Variants in CFAP47 observed in about 807,000 individuals in gnomAD.
The protein encoded by CFAP47 is cilia- and flagella-associated protein 47.
In CFAP47, 29 loss-of-function variants were observed where a neutral mutation model predicts 148.1. The observed-to-expected ratio is 0.20, with a 90% CI of 0.15 to 0.27. The LOEUF is 0.27. CFAP47 is among the 10% of genes least tolerant of loss of function. CFAP47 has a pLI of 1.00. For missense variants in CFAP47, 1,872 were observed against 1,697.5 expected (o/e 1.10, Z -1.81); for synonymous variants, 664 against 577.3 (o/e 1.15, Z -2.15).
intron 3 of CFAP47, among the ~76,000 whole-genome samples, chrX:35,941,993 G>A (rs1936016248): frequency 9.2e-6 from 1 of 108,566 alleles, no homozygotes; most frequent in African/African-American, 3.4e-5. Context: ...TTCTTACTGT[G>A]GCCTAAGAGT....
At chrX:36,098,631 GGCCACT>G (rs1373130118) in intron 30 of CFAP47, among the ~76,000 whole-genome samples, 156 bp from the exon 31 acceptor site, 1 of 111,646 alleles carries the variant, frequency 9.0e-6, no homozygotes, top group African/African-American at 3.3e-5. Flanking sequence ...TTCACCCAGT[GGCCACT>G]GCCACCTCTG....
intron 29 of CFAP47, among the ~76,000 whole-genome samples, chrX:36,083,526 T>C (rs974557644): frequency 8.9e-6 from 1 of 111,809 alleles, no homozygotes; most frequent in Admixed American, 9.6e-5. Flanking sequence ...TGACTTTAGA[T>C]TCAAGCTAAG....
chrX:35,961,711 T>C (rs949148340), intron 8 of CFAP47, among the ~76,000 whole-genome samples: 2 of 111,303 alleles, frequency 1.8e-5, no homozygotes, highest in Non-Finnish European at 3.8e-5. Flanking sequence ...AGTCATCTCT[T>C]TTTTTGCTTA....
At chrX:35,946,111 G>C (rs2093599938) in intron 3 of CFAP47, among the ~76,000 whole-genome samples, 1 of 110,082 alleles carries the variant, frequency 9.1e-6, no homozygotes, top group Admixed American at 9.8e-5. Context: ...GACCTCAAGT[G>C]ATCCTCCCAC....
In CFAP47 at chrX:35,924,441, A is replaced by ACACCTATATGTGTATATAGGTG. The variant is rs1244481360; in HGVS notation, c.250-1557_250-1536dup. On this transcript the variant is annotated intron_variant, in intron 1 of 63. Transcript: ENST00000378653. Reference sequence around the variant, plus strand: ...TATGCACACATATGTGTATATATGTACACCTATATGTGTATATAGGTGCAC... The same window carrying ACACCTATATGTGTATATAGGTG: ...TATGCACACATATGTGTATATATGTACACCTATATGTGTATATAGGTGCACCTATATGTGTATATAGGTGCAC... 1.1e-3 allele frequency among the ~76,000 whole-genome samples: 112 copies of ACACCTATATGTGTATATAGGTG among 106,010 alleles called. 2 individuals carry two copies. In the East Asian group the frequency reaches 0.025, roughly 24 times the overall value. The allele number at this position is 106,010 out of a possible 115,157, so 92.1% of individuals were successfully genotyped here. A position where few individuals can be genotyped will look rare whatever the true frequency, so the allele number is the denominator to read the frequency against.
intron 2 of CFAP47, among the ~76,000 whole-genome samples, chrX:35,936,303 A>G (rs1935909878): frequency 9.0e-6 from 1 of 111,616 alleles, no homozygotes; most frequent in South Asian, 3.7e-4. Context: ...TATTGTGTTC[A>G]TCACTATGTT....
chrX:36,352,421 C>T (rs781788362), intron 59 of CFAP47, among the ~76,000 whole-genome samples: 27 of 110,974 alleles, frequency 2.4e-4, no homozygotes, highest in African/African-American at 8.5e-4. Context: ...ATAAAATTTA[C>T]ATTTGTTATA....
chrX:35,985,495 G>A (rs1202826380), intron 15 of CFAP47, among the ~76,000 whole-genome samples: 1 of 111,021 alleles, frequency 9.0e-6, no homozygotes, highest in East Asian at 2.8e-4. Flanking sequence ...GGCTGTGATG[G>A]GGGGAGAGTG....
chrX:36,180,831 A>G (rs1411827380), intron 40 of CFAP47, among the ~76,000 whole-genome samples: 1 of 112,287 alleles, frequency 8.9e-6, no homozygotes, highest in Non-Finnish European at 1.9e-5. Context: ...AGTGAACAAT[A>G]AAATATGAAT....
chrX:36,320,607 A>G (rs999029041), intron 57 of CFAP47, among the ~76,000 whole-genome samples: 1 of 112,348 alleles, frequency 8.9e-6, no homozygotes. Flanking sequence ...TTTGCAATGC[A>G]TTAAAAAGAG....
At chrX:36,162,951 A>G (rs931155242) in intron 39 of CFAP47, among the ~76,000 whole-genome samples, 1 of 111,585 alleles carries the variant, frequency 9.0e-6, no homozygotes, top group African/African-American at 3.3e-5. Flanking sequence ...CTTCTATTCT[A>G]TTGTTTGGAA....
At chrX:35,969,968 T>C (rs951287623) in intron 10 of CFAP47, among the ~76,000 whole-genome samples, 15 of 110,929 alleles carry the variant, frequency 1.4e-4, no homozygotes, top group Admixed American at 3.9e-4. Flanking sequence ...AACGTGCAGG[T>C]TTGTTACATA....
chrX:36,280,507 A>G lies in CFAP47; in HGVS notation c.7465A>G (p.Thr2489Ala). The G allele has an allele frequency of 5.9e-6, 3 of 507,468 alleles. No homozygotes were observed. The highest frequency in any genetic ancestry group is 1.1e-5 in the Non-Finnish European group (3 of 283,475). The allele number at this position is 507,468 out of a possible 1,213,427, so 41.8% of individuals were successfully genotyped here. The change falls in exon 50 of 64, where the codon ACA (threonine) becomes GCA (alanine). Residue 2489 changes from threonine to alanine, a missense_variant. By Grantham distance (58) the Thr-to-Ala change is moderately conservative. Transcript: ENST00000378653. Reference protein sequence around the residue: ...ILKGTITFSTTRRCTTRRKHD... With the variant: ...ILKGTITFSTARRCTTRRKHD... ...TGTAGGTACAATTACATTTTCTACT[A>G]CAAGAAGATGTACTACAAGAAGGAA...
At chrX:36,364,829 G>A (rs782764680) in intron 61 of CFAP47, among the ~76,000 whole-genome samples, 5 of 101,694 alleles carry the variant, frequency 4.9e-5, no homozygotes, top group Admixed American at 1.1e-4. Flanking sequence ...TTAGGAAAAC[G>A]TGTGTACATG....
chrX:36,294,932 A>G (rs1394351797), intron 51 of CFAP47, among the ~76,000 whole-genome samples: 12 of 111,504 alleles, frequency 1.1e-4, no homozygotes, highest in African/African-American at 3.9e-4. Flanking sequence ...AATTATTTTC[A>G]ATTTCAGCAT....
At chrX:36,276,284 G>A (rs782816247) in intron 49 of CFAP47, among the ~76,000 whole-genome samples, 1 of 111,057 alleles carries the variant, frequency 9.0e-6, no homozygotes, top group African/African-American at 3.3e-5. Context: ...TGTGGATTTT[G>A]CAAAATAACT....
At chrX:36,332,158 C>T (rs1240783783) in intron 57 of CFAP47, among the ~76,000 whole-genome samples, 2 of 111,333 alleles carry the variant, frequency 1.8e-5, no homozygotes, top group East Asian at 2.8e-4. Flanking sequence ...TTACTTCCAA[C>T]CTTTATTTAA....
At chrX:36,068,979 G>T in intron 27 of CFAP47, among the ~76,000 whole-genome samples, 1 of 105,819 alleles carries the variant, frequency 9.5e-6, no homozygotes, top group Middle Eastern at 4.9e-3. Context: ...AAAGAAAAAA[G>T]ATTTTTTTGA....
chrX:36,270,079 T>C (rs2146936975), intron 49 of CFAP47, among the ~76,000 whole-genome samples: 1 of 112,149 alleles, frequency 8.9e-6, no homozygotes, highest in East Asian at 2.8e-4. Flanking sequence ...ATTTGTTTTT[T>C]TCCCCTATGT....
Sources: allele counts gnomAD v4.1 joint callset (sites outside exome capture counted in the v4.1 genomes callset), GRCh38; gene constraint gnomAD v4.1.1; transcripts MANE v1.5; gene names NCBI Gene and HGNC (gene_info 2026-07-23, HGNC 2026-07-21).